The following NAPEPLD variants were observed in gnomAD, a reference collection of about 807,000 sequenced individuals.
The protein encoded by NAPEPLD is N-acyl phosphatidylethanolamine phospholipase D, also known as N-acyl-phosphatidylethanolamine-hydrolyzing phospholipase D.
Under a neutral mutation model 38.1 loss-of-function variants are expected in NAPEPLD, and 23 were observed. The observed-to-expected ratio is 0.60, with a 90% confidence interval of 0.43 to 0.86. The LOEUF (loss-of-function observed/expected upper bound fraction) is 0.86. NAPEPLD is among the 40% of genes least tolerant of loss of function. The pLI, the probability that NAPEPLD is intolerant of heterozygous loss-of-function variation, is 0.00. For missense variants in NAPEPLD, 411 were observed against 476.8 expected (o/e 0.86, Z 1.28); for synonymous variants, 147 against 162.0 (o/e 0.91, Z 0.71).
chr7:103,100,599 T>A lies in NAPEPLD; in HGVS notation c.*2830A>T, dbSNP rs1802262208. The A allele has an allele frequency of 6.6e-6, 1 of 152,238 alleles. No individual in the cohort carries two copies. The highest frequency in any genetic ancestry group is 2.4e-5 in the African/African-American group (1 of 41,468). 9.4% of individuals were successfully genotyped at this position (152,238 alleles called of 1,614,324 possible). A position where few individuals can be genotyped will look rare whatever the true frequency, so the allele number is the denominator to read the frequency against. ...GGCATAGCAAAGTATTCCTCAGTTA[T>A]CACAGGAAACTTCAATAAAATCTTA... On this transcript the variant is annotated 3_prime_UTR_variant, in exon 5 of 5. Coordinates refer to ENST00000465647, the MANE Select transcript of NAPEPLD (RefSeq NM_001122838.3).
At chr7:103,110,896 A>G (rs1320559817) in intron 4 of NAPEPLD, among the ~76,000 whole-genome samples, 1 of 32,406 alleles carries the variant, frequency 3.1e-5, no homozygotes, top group Non-Finnish European at 1.5e-4. Context: ...GGATACAAAA[A>G]TCAATGTATC....
intron 4 of NAPEPLD, among the ~76,000 whole-genome samples, chr7:103,104,030 C>T (rs1802810315): frequency 6.6e-6 from 1 of 152,084 alleles, no homozygotes; most frequent in African/African-American, 2.4e-5. Context: ...TAGTCACATA[C>T]AGAAACCACA....
At chr7:103,136,698 C>T (rs1810155213) in intron 1 of NAPEPLD, among the ~76,000 whole-genome samples, 1 of 151,716 alleles carries the variant, frequency 6.6e-6, no homozygotes, top group South Asian at 2.1e-4. Flanking sequence ...TCTAGAATTT[C>T]ATATGGCTTT....
At chr7:103,139,695 T>C (rs1810818197) in intron 1 of NAPEPLD, among the ~76,000 whole-genome samples, 1 of 152,206 alleles carries the variant, frequency 6.6e-6, no homozygotes, top group South Asian at 2.1e-4. Context: ...AGACATGTTA[T>C]TCTGCCCGCA....
At chr7:103,108,073 C>T (rs1803746518) in intron 4 of NAPEPLD, among the ~76,000 whole-genome samples, 2 of 151,878 alleles carry the variant, frequency 1.3e-5, no homozygotes, top group Admixed American at 6.6e-5. Flanking sequence ...CAGACTAACA[C>T]CAGATCTCTC....
At chr7:103,110,506 C>T (rs1804301050) in intron 4 of NAPEPLD, among the ~76,000 whole-genome samples, 1 of 152,126 alleles carries the variant, frequency 6.6e-6, no homozygotes, top group Admixed American at 6.5e-5. Flanking sequence ...TCAATAGAAG[C>T]AGAAAAGGCC....
intron 2 of NAPEPLD, among the ~76,000 whole-genome samples, chr7:103,120,711 T>C (rs1478221815): frequency 3.5e-5 from 4 of 115,210 alleles, no homozygotes; most frequent in Non-Finnish European, 6.8e-5. Flanking sequence ...CTTTTTTTTT[T>C]TTTTTTTTTT....
At chr7:103,128,319 A>T in intron 2 of NAPEPLD, 164 bp downstream of exon 2, 4 of 782,786 alleles carry the variant, frequency 5.1e-6, no homozygotes, top group Non-Finnish European at 8.0e-6. Context: ...GGTTATTCCT[A>T]TATGTACTCT....
chr7:103,126,038 C>T (rs1807724601), intron 2 of NAPEPLD, among the ~76,000 whole-genome samples: 1 of 152,070 alleles, frequency 6.6e-6, no homozygotes, highest in Non-Finnish European at 1.5e-5. Context: ...CCATGAAACT[C>T]CATCAGGCTG....
At chr7:103,117,051 C>A (rs1027692472) in intron 3 of NAPEPLD, among the ~76,000 whole-genome samples, 3 of 152,156 alleles carry the variant, frequency 2.0e-5, no homozygotes, top group Non-Finnish European at 2.9e-5. Context: ...CCTTCCAAGC[C>A]ATCAGTTTCA....
At chr7:103,108,873 T>G (rs1803937272) in intron 4 of NAPEPLD, among the ~76,000 whole-genome samples, 1 of 151,890 alleles carries the variant, frequency 6.6e-6, no homozygotes, top group African/African-American at 2.4e-5. Flanking sequence ...ACACATAGGC[T>G]CAAAATAAAG....
chr7:103,102,106 A>T lies in NAPEPLD; in HGVS notation c.*1323T>A, dbSNP rs985753100. ...AAGACATCTGAATCAGGTAAAAAAAATTATAAATCTGATTGATATATTTAG... is the reference window on the plus strand; with the variant it reads ...AAGACATCTGAATCAGGTAAAAAAATTTATAAATCTGATTGATATATTTAG... On this transcript the variant is annotated 3_prime_UTR_variant, in exon 5 of 5. Coordinates refer to ENST00000465647, the MANE Select transcript of NAPEPLD (RefSeq NM_001122838.3). 6 of 151,542 alleles carry T rather than the reference A, an allele frequency of 4.0e-5. No individual in the cohort carries two copies. The highest frequency in any genetic ancestry group is 1.5e-5 in the Non-Finnish European group (1 of 67,898). The allele number at this position is 151,542 out of a possible 1,614,324, so 9.4% of individuals were successfully genotyped here. A position where few individuals can be genotyped will look rare whatever the true frequency, so the allele number is the denominator to read the frequency against.
At chr7:103,121,933 G>T (rs1806781616) in intron 2 of NAPEPLD, among the ~76,000 whole-genome samples, 1 of 152,122 alleles carries the variant, frequency 6.6e-6, no homozygotes, top group South Asian at 2.1e-4. Context: ...AACTCATGAT[G>T]CAGAGAAAAG....
chr7:103,138,007 G>T (rs1485085280), intron 1 of NAPEPLD, among the ~76,000 whole-genome samples: 1 of 145,670 alleles, frequency 6.9e-6, no homozygotes, highest in East Asian at 2.0e-4. Context: ...AGACGGAGTC[G>T]CGTTCTGTTA....
Position 103,118,322 on chromosome 7 carries a change from T to G in NAPEPLD, c.941+1255A>C, listed in dbSNP as rs1194774515. Reference sequence around the variant, plus strand: ...GAGGTTTCATTAGAATTATAACTATTTAATTAGAAAAGTAAAATTCAAGCA... The same window carrying G: ...GAGGTTTCATTAGAATTATAACTATGTAATTAGAAAAGTAAAATTCAAGCA... On this transcript the variant is annotated intron_variant, in intron 3 of 4. Transcript: ENST00000465647. Among the ~76,000 whole-genome samples, 4 of 152,172 alleles carry G rather than the reference T, an allele frequency of 2.6e-5. No individual in the cohort carries two copies. In the East Asian group the frequency reaches 7.7e-4, roughly 29 times the overall value.
chr7:103,116,107 G>C (rs1455954663), intron 3 of NAPEPLD, among the ~76,000 whole-genome samples: 1 of 151,630 alleles, frequency 6.6e-6, no homozygotes, highest in African/African-American at 2.4e-5. Context: ...TGTCGCCCAG[G>C]CTAGAGTGCA....
rs56793237 is a variant in NAPEPLD, at chr7:103,108,134, C to CTT, written c.1057-4582_1057-4581dup. On this transcript the variant is annotated intron_variant, in intron 4 of 4. Transcript: ENST00000465647. ...AGAGTAGGGGCCAATATTCAACATT[C>CTT]TTTTTTTTTTTTTTTTTTTTTTTTT... 9.8e-3 allele frequency among the ~76,000 whole-genome samples: 1,145 copies of CTT among 117,390 alleles called. 87 individuals are homozygous for CTT. The highest frequency in any genetic ancestry group is 0.035 in the African/African-American group (1,066 of 30,084). 77.0% of individuals were successfully genotyped at this position (117,390 alleles called of 152,430 possible).
chr7:103,130,684 T>A (rs1808749983), intron 1 of NAPEPLD, among the ~76,000 whole-genome samples: 1 of 152,080 alleles, frequency 6.6e-6, no homozygotes, highest in African/African-American at 2.4e-5. Context: ...AGCCTCAACC[T>A]CCCGGGGCTC....
At chr7:103,124,333 C>T (rs1585862044) in intron 2 of NAPEPLD, among the ~76,000 whole-genome samples, 1 of 152,024 alleles carries the variant, frequency 6.6e-6, no homozygotes, top group East Asian at 1.9e-4. Context: ...TAGTGCATGC[C>T]TGTAATCCCA....
Sources: gnomAD v4.1 joint callset for allele counts (sites outside exome capture counted in the v4.1 genomes callset) on GRCh38, gnomAD v4.1.1 for gene constraint, MANE v1.5 for transcripts, NCBI Gene and HGNC (gene_info 2026-07-23, HGNC 2026-07-21) for gene names.